Variants in GSTCD observed in about 807,000 individuals in gnomAD.
GSTCD encodes glutathione S-transferase C-terminal domain containing.
GSTCD carries 44 observed loss-of-function variants against 68.3 expected under a neutral mutation model. The observed-to-expected ratio is 0.64, with a 90% confidence interval of 0.51 to 0.83. GSTCD has a LOEUF of 0.83. GSTCD is among the 40% of genes least tolerant of loss of function. The probability of loss-of-function intolerance (pLI) is 0.00; values close to 1 mark genes in which losing one functional copy is unlikely to be tolerated. For missense variants in GSTCD, 739 were observed against 735.9 expected (o/e 1.00, Z -0.05); for synonymous variants, 273 against 255.2 (o/e 1.07, Z -0.67).
intron 10 of GSTCD, among the ~76,000 whole-genome samples, chr4:105,838,179 A>C (rs1017546664): frequency 6.6e-6 from 1 of 152,222 alleles, no homozygotes; most frequent in East Asian, 1.9e-4. Context: ...GACAAAAGAC[A>C]GTTTGTTGCT....
At chr4:105,827,834 G>A (rs893957535) in intron 8 of GSTCD, among the ~76,000 whole-genome samples, 60 of 151,794 alleles carry the variant, frequency 4.0e-4, no homozygotes, top group African/African-American at 1.4e-3. Flanking sequence ...AAAATTAATA[G>A]TATAAACAAG....
At chr4:105,759,445 T>G (rs1231543652) in intron 5 of GSTCD, among the ~76,000 whole-genome samples, 9 of 152,148 alleles carry the variant, frequency 5.9e-5, no homozygotes. Context: ...TCCATTTGTC[T>G]CTTACTCCTG....
chr4:105,794,865 A>ATCTG (rs1372073611), intron 5 of GSTCD, among the ~76,000 whole-genome samples: 14 of 144,856 alleles, frequency 9.7e-5, no homozygotes, highest in South Asian at 4.6e-4. Context: ...CTATCTATCT[A>ATCTG]TCTATCTATC....
chr4:105,791,408 A>C (rs1368121982), intron 5 of GSTCD, among the ~76,000 whole-genome samples: 1 of 151,396 alleles, frequency 6.6e-6, no homozygotes, highest in Non-Finnish European at 1.5e-5. Flanking sequence ...AAAAAAAAAA[A>C]AGAAAAAAGG....
At chr4:105,835,117 G>A (rs1029197470) in intron 9 of GSTCD, among the ~76,000 whole-genome samples, 2 of 152,206 alleles carry the variant, frequency 1.3e-5, no homozygotes, top group Non-Finnish European at 2.9e-5. Context: ...GAAGTGGCAA[G>A]AATAAGTATT....
intron 8 of GSTCD, 90 bp from the exon 9 acceptor site, chr4:105,834,371 T>TA (rs1683811758): frequency 8.2e-7 from 1 of 1,215,808 alleles, no homozygotes; most frequent in South Asian, 1.7e-5. Context: ...GGTCCTTTGG[T>TA]ATGGCCAAAT....
rs564041108 is a variant in GSTCD at position 105,829,366 on chromosome 4, AATG to A, written c.1530+3567_1530+3569del. 3.9e-5 allele frequency among the ~76,000 whole-genome samples: 6 copies of A among 152,258 alleles called. No individual in the cohort carries two copies. The East Asian group carries it at 1.2e-3, about 29-fold the overall frequency. On this transcript the variant is annotated intron_variant, in intron 8 of 11. Coordinates refer to ENST00000515279, the MANE Select transcript of GSTCD (RefSeq NM_001370181.1). ...AATACCAAACATGGAAAACTTCCAA[AATG>A]GAAGATAGAGACCTGTATTAGTCTG... is the stretch of plus-strand genomic sequence containing the variant.
chr4:105,798,487 A>G (rs563719679), intron 5 of GSTCD, among the ~76,000 whole-genome samples: 38 of 152,250 alleles, frequency 2.5e-4, no homozygotes, highest in African/African-American at 8.9e-4. Flanking sequence ...CTATAGTGTT[A>G]TGAAATGAAG....
intron 5 of GSTCD, among the ~76,000 whole-genome samples, chr4:105,781,411 C>CTTTTTT (rs35271170): frequency 7.1e-6 from 1 of 141,480 alleles, no homozygotes; most frequent in East Asian, 2.0e-4. Flanking sequence ...TCATGCTCAG[C>CTTTTTT]TTTTTTTTTT....
chr4:105,824,696 GACT>G (rs1723496419), intron 7 of GSTCD, among the ~76,000 whole-genome samples: 1 of 152,036 alleles, frequency 6.6e-6, no homozygotes, highest in African/African-American at 2.4e-5. Context: ...ATACATTACA[GACT>G]ACTAAAACTT....
At chr4:105,842,743 A>AAAT (rs1724406901) in intron 11 of GSTCD, among the ~76,000 whole-genome samples, 2 of 152,234 alleles carry the variant, frequency 1.3e-5, no homozygotes, top group African/African-American at 4.8e-5. Context: ...CTTGACTGTT[A>AAAT]TCTTGGTAAA....
At chr4:105,811,264 T>C (rs1722738322) in intron 5 of GSTCD, among the ~76,000 whole-genome samples, 2 of 152,098 alleles carry the variant, frequency 1.3e-5, no homozygotes, top group Middle Eastern at 3.2e-3. Context: ...TTTTTATATC[T>C]CTTTCCTCTT....
At position 105,777,496 on chromosome 4, in the gene GSTCD, TCTTC is replaced by T. The variant is rs531128690; in HGVS notation, c.1241-45450_1241-45447del. On this transcript the variant is annotated intron_variant, in intron 5 of 11. Coordinates refer to ENST00000515279, the MANE Select transcript of GSTCD (RefSeq NM_001370181.1). ...TGCAGCTTAGATATTAGATAGCAAGTCTTCCTTCCTTTCTCAACATCTTCCTTCT... is the reference window on the plus strand; with the variant it reads ...TGCAGCTTAGATATTAGATAGCAAGTCTTCCTTTCTCAACATCTTCCTTCT... Among the ~76,000 whole-genome samples, 142 of 152,344 alleles carry T rather than the reference TCTTC, an allele frequency of 9.3e-4. 1 individual carries two copies. The highest frequency in any genetic ancestry group is 6.8e-3 in the Middle Eastern group (2 of 294).
intron 5 of GSTCD, among the ~76,000 whole-genome samples, chr4:105,809,784 C>G (rs1722682812): frequency 6.6e-6 from 1 of 151,118 alleles, no homozygotes; most frequent in Non-Finnish European, 1.5e-5. Flanking sequence ...CAATGTAAGT[C>G]TTAATTTTAT....
intron 5 of GSTCD, among the ~76,000 whole-genome samples, chr4:105,793,482 G>A (rs1446594591): frequency 6.6e-6 from 1 of 150,984 alleles, no homozygotes; most frequent in Non-Finnish European, 1.5e-5. Context: ...ATGATTGTCT[G>A]GAATTTTCTT....
At chr4:105,732,526 C>G (rs367837792) in intron 5 of GSTCD, among the ~76,000 whole-genome samples, 1 of 151,988 alleles carries the variant, frequency 6.6e-6, no homozygotes, top group Non-Finnish European at 1.5e-5. Context: ...TTCTTGGGAT[C>G]GGTGGTGATA....
intron 5 of GSTCD, among the ~76,000 whole-genome samples, chr4:105,734,984 G>T (rs562334228): frequency 2.4e-4 from 37 of 152,296 alleles, no homozygotes; most frequent in Non-Finnish European, 4.7e-4. Flanking sequence ...AGTGTAGGCT[G>T]CAGAACAGCG....
intron 5 of GSTCD, among the ~76,000 whole-genome samples, chr4:105,803,707 A>T (rs1248208822): frequency 6.6e-6 from 1 of 152,028 alleles, no homozygotes; most frequent in Non-Finnish European, 1.5e-5. Flanking sequence ...GTGAAAAAAA[A>T]AATGCAACTC....
At chr4:105,736,562 T>C (rs1311266270) in intron 5 of GSTCD, among the ~76,000 whole-genome samples, 1 of 152,212 alleles carries the variant, frequency 6.6e-6, no homozygotes, top group Non-Finnish European at 1.5e-5. Flanking sequence ...TTAGTGTAAT[T>C]AGCATATTCA....
Sources: gnomAD v4.1 joint callset for allele counts (sites outside exome capture counted in the v4.1 genomes callset) on GRCh38, gnomAD v4.1.1 for gene constraint, MANE v1.5 for transcripts, NCBI Gene and HGNC (gene_info 2026-07-23, HGNC 2026-07-21) for gene names.